SLC17A6: variants seen among roughly 807,000 people sequenced by gnomAD.
SLC17A6 encodes the protein vesicular glutamate transporter 2.
SLC17A6 carries 35 observed loss-of-function variants against 67.1 expected under a neutral mutation model. The ratio of observed to expected loss-of-function variants is 0.52; its 90% CI spans 0.40 to 0.69. The LOEUF is 0.69. SLC17A6 is among the 30% of genes least tolerant of loss of function. The pLI is 0.00. For synonymous variants in SLC17A6, 285 were observed against 252.3 expected (o/e 1.13, Z -1.23); for missense variants, 588 against 723.9 (o/e 0.81, Z 2.15).
In SLC17A6 at chr11:22,338,587, T is replaced by A; in HGVS notation, c.54T>A (p.Asn18Lys). The A allele has an allele frequency of 6.2e-7, 1 of 1,613,764 alleles. No individual in the cohort carries two copies. The highest frequency in any genetic ancestry group is 8.5e-7 in the Non-Finnish European group (1 of 1,179,858). Residue 18 changes from asparagine to lysine, a missense_variant, in exon 1 of 12, where the codon AAT (asparagine) becomes AAA (lysine). Asn to Lys is a moderately conservative substitution (Grantham distance 94). This residue lies in a region of SLC17A6 where 117 missense variants were observed against 98.7 expected (regional missense o/e 1.19). Coordinates refer to ENST00000263160, the MANE Select transcript of SLC17A6 (RefSeq NM_020346.3). Reference protein sequence around the residue: ...ILAPGKEGLKNFAGKSLGQIY... With the variant: ...ILAPGKEGLKKFAGKSLGQIY... ...CCCCAGGAAAAGAGGGGCTAAAGAA[T>A]TTTGCTGGAAAATCACTCGGCCAGA...
At position 22,338,490 on chromosome 11, in the gene SLC17A6, T is replaced by C. The variant is rs377618456; in HGVS notation, c.-44T>C. On this transcript the variant is annotated 5_prime_UTR_variant, in exon 1 of 12. Transcript: ENST00000263160. ...GCGCAATCCTCGCCTTTCCTAGCAATCACTATTTAAATCTGGCAAGAACTG... is the reference window on the plus strand; with the variant it reads ...GCGCAATCCTCGCCTTTCCTAGCAACCACTATTTAAATCTGGCAAGAACTG... 11 of 1,368,934 alleles carry C rather than the reference T, an allele frequency of 8.0e-6. No individual in the cohort carries two copies. In the Admixed American group the frequency reaches 8.6e-5, roughly 11 times the overall value. 84.8% of individuals were successfully genotyped at this position (1,368,934 alleles called of 1,614,324 possible).
chr11:22,364,841 T>C (rs537974358), intron 6 of SLC17A6, among the ~76,000 whole-genome samples: 3 of 152,214 alleles, frequency 2.0e-5, no homozygotes, highest in Admixed American at 6.5e-5. Context: ...GAGTATTAAA[T>C]AAAGAAGAGG....
intron 3 of SLC17A6, among the ~76,000 whole-genome samples, chr11:22,353,471 T>C (rs999168876): frequency 1.3e-5 from 2 of 151,870 alleles, no homozygotes; most frequent in Non-Finnish European, 2.9e-5. Flanking sequence ...TAATGACAAC[T>C]TGCTCAAAGT....
At chr11:22,346,081 T>C (rs1855872403) in intron 3 of SLC17A6, among the ~76,000 whole-genome samples, 1 of 152,188 alleles carries the variant, frequency 6.6e-6, no homozygotes, top group African/African-American at 2.4e-5. Context: ...CAAATAAGCT[T>C]CTCTATATTG....
chr11:22,362,844 C>CATAGA lies in SLC17A6; in HGVS notation c.748+20_748+21insTAGAA. 1 of 1,587,460 alleles carries CATAGA rather than the reference C, an allele frequency of 6.3e-7. No homozygotes were observed. Among genetic ancestry groups the CATAGA allele is most frequent in the Non-Finnish European group, 8.6e-7 (1 of 1,156,080 alleles). ...GTCTACGGTATGTTATATTTCTATG[C>CATAGA]AATAGAGTTAAAGGAAATGTGCATA... is the stretch of plus-strand genomic sequence containing the variant. On this transcript the variant is annotated intron_variant, in intron 6 of 11. Transcript: ENST00000263160.
chr11:22,363,354 G>A (rs1046401547), intron 6 of SLC17A6, among the ~76,000 whole-genome samples: 1 of 152,166 alleles, frequency 6.6e-6, no homozygotes, highest in African/African-American at 2.4e-5. Context: ...AGGCAATTAA[G>A]CCTCCACATT....
chr11:22,362,923 T>A (rs1389060859), intron 6 of SLC17A6, 98 bp downstream of exon 6: 1 of 836,046 alleles, frequency 1.2e-6, no homozygotes, highest in Non-Finnish European at 2.0e-6. Flanking sequence ...TACATTTCTA[T>A]GTTTACTTAC....
chr11:22,343,860 A>AG (rs929716281), intron 3 of SLC17A6, among the ~76,000 whole-genome samples: 5 of 152,002 alleles, frequency 3.3e-5, no homozygotes, highest in Non-Finnish European at 4.4e-5. Context: ...ATTTGTTTCT[A>AG]GGGGGGCAGG....
At chr11:22,352,260 A>G (rs1184397480) in intron 3 of SLC17A6, among the ~76,000 whole-genome samples, 1 of 152,142 alleles carries the variant, frequency 6.6e-6, no homozygotes, top group African/African-American at 2.4e-5. Context: ...TGGGTCATGT[A>G]CTTGAACTCA....
chr11:22,341,243 A>T (rs570977033), intron 1 of SLC17A6, among the ~76,000 whole-genome samples: 74 of 152,258 alleles, frequency 4.9e-4, no homozygotes, highest in Admixed American at 1.6e-3. Context: ...GTGTATCTCA[A>T]TCAGAGCGCC....
At chr11:22,361,894 G>A (rs1856056683) in intron 5 of SLC17A6, among the ~76,000 whole-genome samples, 1 of 152,172 alleles carries the variant, frequency 6.6e-6, no homozygotes, top group Non-Finnish European at 1.5e-5. Context: ...AGGAAATTAA[G>A]GCTGCTGTGA....
At position 22,374,851 on chromosome 11, in the gene SLC17A6, T is replaced by C; in HGVS notation, c.1138T>C (p.Ser380Pro). 2 of 1,613,746 alleles carry C rather than the reference T, an allele frequency of 1.2e-6. No individual in the cohort carries two copies. The highest frequency in any genetic ancestry group is 1.7e-6 in the Non-Finnish European group (2 of 1,179,862). Residue 380 changes from serine to proline, a missense_variant, in exon 9 of 12, where the codon TCA (serine) becomes CCA (proline). By Grantham distance (74) the Ser-to-Pro change is moderately conservative. Around this residue, in one of 4 missense-constraint regions of SLC17A6, gnomAD observed 414 missense variants for 563.4 expected, o/e 0.73. Transcript: ENST00000263160. ...TTTTCTAAGAAGCAAGCAGATTCTT[T>C]CAACTACGACAGTGAGAAAGATCAT... is the stretch of plus-strand genomic sequence containing the variant. The part of the protein sequence containing the change: ...ADFLRSKQIL[S>P]TTTVRKIMNC...
chr11:22,345,681 T>C (rs11603534), intron 3 of SLC17A6, among the ~76,000 whole-genome samples: 23,946 of 152,162 alleles, frequency 0.16, 2,283 homozygotes, highest in East Asian at 0.46. Flanking sequence ...CTACCTTATC[T>C]TGCCTGAAGA....
At chr11:22,354,440 T>C (rs550929034) in intron 3 of SLC17A6, among the ~76,000 whole-genome samples, 1 of 152,348 alleles carries the variant, frequency 6.6e-6, no homozygotes, top group South Asian at 2.1e-4. Flanking sequence ...TTTCATTTCT[T>C]TTTGAAACTT....
chr11:22,349,649 G>A (rs1020822738), intron 3 of SLC17A6, among the ~76,000 whole-genome samples: 4 of 152,154 alleles, frequency 2.6e-5, no homozygotes, highest in African/African-American at 9.7e-5. Context: ...CATGTGGGCA[G>A]CTGGTAGAGT....
chr11:22,349,679 G>T (rs760171618), intron 3 of SLC17A6, among the ~76,000 whole-genome samples: 3 of 152,178 alleles, frequency 2.0e-5, no homozygotes, highest in Non-Finnish European at 4.4e-5. Context: ...ACTGCCATAT[G>T]CTACCACTGG....
chr11:22,360,833 C>T (rs1856044253), intron 4 of SLC17A6, 64 bp from the exon 5 acceptor site: 1 of 1,411,688 alleles, frequency 7.1e-7, no homozygotes. Context: ...AGGATTTGTA[C>T]AGGATACTAA....
rs556985909 is a variant in SLC17A6 at position 22,373,444 on chromosome 11, A to G, written c.1042-1311A>G. Among the ~76,000 whole-genome samples the G allele has an allele frequency of 2.3e-3, 356 of 152,036 alleles. 3 individuals are homozygous for G. The highest frequency in any genetic ancestry group is 8.1e-3 in the African/African-American group (338 of 41,528). On this transcript the variant is annotated intron_variant, in intron 8 of 11. Transcript: ENST00000263160. ...AGCCTTGTACTTTTCTCAGGATGCT[A>G]GTCTCAAAAGCAATAATGATTTTTT...
At chr11:22,377,323 A>G (rs1856242217) in intron 11 of SLC17A6, 82 bp from the exon 12 acceptor site, 7 of 1,268,976 alleles carry the variant, frequency 5.5e-6, no homozygotes, top group Admixed American at 2.3e-5. Flanking sequence ...ATGAAAACTC[A>G]GTGGTGGTGC....
Sources: gnomAD v4.1 joint callset for allele counts (sites outside exome capture counted in the v4.1 genomes callset) on GRCh38, gnomAD v4.1.1 for gene constraint, gnomAD v4.1.1 regional missense constraint, MANE v1.5 for transcripts, NCBI Gene and HGNC (gene_info 2026-07-23, HGNC 2026-07-21) for gene names.